Variants in PTPN21 observed in about 807,000 individuals in gnomAD.
The protein encoded by PTPN21 is protein tyrosine phosphatase non-receptor type 21, also known as tyrosine-protein phosphatase non-receptor type 21.
A neutral mutation model predicts 131.8 loss-of-function variants in PTPN21; 77 were observed. The ratio of observed to expected loss-of-function variants is 0.58; its 90% CI spans 0.49 to 0.71. PTPN21 has a LOEUF of 0.71. Among genes scored for constraint, PTPN21 ranks in the 30% least tolerant of loss-of-function variants. The pLI is 0.00. For missense variants in PTPN21, 1,552 were observed against 1,527.1 expected (o/e 1.02, Z -0.27); for synonymous variants, 715 against 621.3 (o/e 1.15, Z -2.24).
chr14:88,504,104 G>A (rs1566829950), intron 6 of PTPN21, among the ~76,000 whole-genome samples: 1 of 152,042 alleles, frequency 6.6e-6, no homozygotes, highest in African/African-American at 2.4e-5. Flanking sequence ...GTTTGTTTGA[G>A]GTTATCAAAC....
At chr14:88,527,435 T>C (rs1243109304) in intron 2 of PTPN21, among the ~76,000 whole-genome samples, 2 of 152,232 alleles carry the variant, frequency 1.3e-5, no homozygotes, top group African/African-American at 4.8e-5. Flanking sequence ...CATACGTTTC[T>C]GGGCCATTTG....
chr14:88,524,751 TAA>T (rs978725416), intron 2 of PTPN21, among the ~76,000 whole-genome samples: 12 of 152,028 alleles, frequency 7.9e-5, no homozygotes, highest in African/African-American at 2.7e-4. Context: ...CAAAAAATTT[TAA>T]AGTTAGCTGG....
chr14:88,518,380 GTGTGTGTATATATATATA>G (rs2078325465), intron 2 of PTPN21, among the ~76,000 whole-genome samples: 1 of 14,510 alleles, frequency 6.9e-5, no homozygotes, highest in African/African-American at 2.3e-4. Flanking sequence ...GTGTATGTGT[GTGTGTGTATATATATATA>G]TATATATATA....
chr14:88,529,798 A>G (rs2078528695), intron 2 of PTPN21, among the ~76,000 whole-genome samples: 1 of 152,122 alleles, frequency 6.6e-6, no homozygotes, highest in African/African-American at 2.4e-5. Flanking sequence ...TCTGGCCAAC[A>G]TGGTGAAGCC....
chr14:88,500,560 G>A (rs2077992463), intron 8 of PTPN21, among the ~76,000 whole-genome samples: 1 of 152,270 alleles, frequency 6.6e-6, no homozygotes, highest in South Asian at 2.1e-4. Flanking sequence ...ATAATAGGCC[G>A]TCATTATAGG....
At chr14:88,504,155 T>C (rs1170266862) in intron 6 of PTPN21, among the ~76,000 whole-genome samples, 3 of 152,180 alleles carry the variant, frequency 2.0e-5, no homozygotes, top group African/African-American at 7.2e-5. Flanking sequence ...CACCCTTCAA[T>C]GACTGGCTGC....
At chr14:88,477,419 A>T (rs1014868262) in intron 13 of PTPN21, among the ~76,000 whole-genome samples, 2 of 132,640 alleles carry the variant, frequency 1.5e-5, no homozygotes, top group Non-Finnish European at 3.1e-5. Context: ...ACTGCACTCC[A>T]GCCTGGGCAA....
intron 2 of PTPN21, among the ~76,000 whole-genome samples, chr14:88,538,432 C>T (rs535840240): frequency 5.1e-4 from 77 of 152,322 alleles, no homozygotes; most frequent in Non-Finnish European, 9.8e-4. Flanking sequence ...TCACCAAAGG[C>T]TTCTCATCAA....
Position 88,465,832 on chromosome 14 carries a change from A to G in PTPN21, c.*2305T>C, listed in dbSNP as rs2077355162. The G allele has an allele frequency of 6.6e-6, 1 of 152,214 alleles. No individual in the cohort carries two copies. Among genetic ancestry groups the G allele is most frequent in the Admixed American group, 6.5e-5 (1 of 15,284 alleles). 9.4% of individuals were successfully genotyped at this position (152,214 alleles called of 1,614,324 possible). A position where few individuals can be genotyped will look rare whatever the true frequency, so the allele number is the denominator to read the frequency against. On this transcript the variant is annotated 3_prime_UTR_variant, in exon 19 of 19. Transcript: ENST00000556564. ...CTTTCATATTCACTAACTGCAATTA[A>G]AAGTTTAAAATTACATGGCTCTTAG...
At chr14:88,548,333 C>A (rs569168201) in intron 2 of PTPN21, among the ~76,000 whole-genome samples, 8 of 152,204 alleles carry the variant, frequency 5.3e-5, no homozygotes, top group East Asian at 3.8e-4. Flanking sequence ...CCCTTACAGT[C>A]GGCCTTTCCT....
At chr14:88,499,714 C>CT (rs1415086580) in intron 8 of PTPN21, among the ~76,000 whole-genome samples, 1 of 152,078 alleles carries the variant, frequency 6.6e-6, no homozygotes, top group Non-Finnish European at 1.5e-5. Flanking sequence ...AAATGGTAGA[C>CT]ACAAAGGAAC....
intron 8 of PTPN21, among the ~76,000 whole-genome samples, chr14:88,498,686 G>A (rs949087851): frequency 6.6e-6 from 1 of 152,150 alleles, no homozygotes; most frequent in Non-Finnish European, 1.5e-5. Context: ...GCACAAAAGT[G>A]GGGGAGGTGT....
intron 2 of PTPN21, among the ~76,000 whole-genome samples, chr14:88,532,954 A>C (rs1002244955): frequency 2.0e-5 from 3 of 152,220 alleles, no homozygotes; most frequent in Non-Finnish European, 4.4e-5. Context: ...CGACAGATAG[A>C]AATTTATAAA....
At chr14:88,523,618 TAA>T (rs938817023) in intron 2 of PTPN21, among the ~76,000 whole-genome samples, 2 of 150,782 alleles carry the variant, frequency 1.3e-5, no homozygotes, top group African/African-American at 2.4e-5. Context: ...GCAAGAAAAA[TAA>T]AAGACATTTA....
chr14:88,469,947 A>G lies in PTPN21; in HGVS notation c.2975T>C (p.Ile992Thr). 2 of 1,614,072 alleles carry G rather than the reference A, an allele frequency of 1.2e-6. No individual in the cohort carries two copies. The highest frequency in any genetic ancestry group is 1.7e-6 in the Non-Finnish European group (2 of 1,180,008). ...CTCTTCTGCTGTCACCATTGCTATAATTGCAATTCCCTGTTCCCATACCAT... is the reference window on the plus strand; with the variant it reads ...CTCTTCTGCTGTCACCATTGCTATAGTTGCAATTCCCTGTTCCCATACCAT... ...WQMVWEQGIAIIAMVTAEEEG... is the reference protein window; with the variant it reads ...WQMVWEQGIATIAMVTAEEEG... The change falls in exon 16 of 19, where the codon ATT (isoleucine) becomes ACT (threonine). Residue 992 changes from isoleucine (I) to threonine (T), a missense_variant. Around this residue, in one of 4 missense-constraint regions of PTPN21, gnomAD observed 316 missense variants for 378.5 expected, o/e 0.83. Coordinates refer to ENST00000556564, the MANE Select transcript of PTPN21 (RefSeq NM_007039.4). The surrounding 1 kb of genome is among the most constrained non-coding windows in gnomAD (Gnocchi z 4.3).
At chr14:88,517,314 A>G in intron 2 of PTPN21, 53 bp from the exon 3 acceptor site, 1 of 1,579,078 alleles carries the variant, frequency 6.3e-7, no homozygotes, top group Non-Finnish European at 8.7e-7. Context: ...AAGGATTTCA[A>G]TGACTTCAGT....
intron 12 of PTPN21, among the ~76,000 whole-genome samples, chr14:88,484,694 G>C (rs1344421270): frequency 1.3e-5 from 2 of 152,106 alleles, no homozygotes; most frequent in South Asian, 4.1e-4. Flanking sequence ...TTTGAGACCA[G>C]TCTGGCCAAC....
chr14:88,513,919 G>T (rs1465589930), intron 3 of PTPN21: 2 of 152,180 alleles, frequency 1.3e-5, no homozygotes, highest in Non-Finnish European at 2.9e-5. Context: ...GTTTTAGTCT[G>T]GATGCCCAAT....
rs2077414856 is a variant in PTPN21 at position 88,469,198 on chromosome 14, T to G, written c.3236-122A>C. ...GCAGATAAAGAGCACTGGGTGCCAG[T>G]GAACCAAACCCAACCACAAAGGGAC... On this transcript the variant is annotated intron_variant, in intron 17 of 18. Coordinates refer to ENST00000556564, the MANE Select transcript of PTPN21 (RefSeq NM_007039.4). This position sits in a 1 kb window ranked among gnomAD's most constrained non-coding sequence, Gnocchi z 4.3. The G allele has an allele frequency of 5.4e-6, 6 of 1,116,352 alleles. No individual in the cohort carries two copies. Among genetic ancestry groups the G allele is most frequent in the Non-Finnish European group, 7.6e-6 (6 of 794,700 alleles). The allele number at this position is 1,116,352 out of a possible 1,614,324, so 69.2% of individuals were successfully genotyped here. A position where few individuals can be genotyped will look rare whatever the true frequency, so the allele number is the denominator to read the frequency against.
Sources: gnomAD v4.1 joint callset for allele counts (sites outside exome capture counted in the v4.1 genomes callset) on GRCh38, gnomAD v4.1.1 for gene constraint, gnomAD v4.1.1 regional missense constraint, Gnocchi (gnomAD v3.1) non-coding constraint, MANE v1.5 for transcripts, NCBI Gene and HGNC (gene_info 2026-07-23, HGNC 2026-07-21) for gene names.